SUPT3H: variants seen among roughly 807,000 people sequenced by gnomAD.
The protein encoded by SUPT3H is SPT3 homolog, SAGA and STAGA complex component, also known as transcription initiation protein SPT3 homolog.
Under a neutral mutation model 44.3 loss-of-function variants are expected in SUPT3H, and 44 were observed. The ratio of observed to expected loss-of-function variants is 0.99; its 90% CI spans 0.78 to 1.28. SUPT3H has a LOEUF of 1.28. SUPT3H is among the 50% of genes most tolerant of loss of function. The pLI is 0.00. For synonymous variants in SUPT3H, 124 were observed against 125.6 expected (o/e 0.99, Z 0.09); for missense variants, 380 against 387.1 (o/e 0.98, Z 0.15).
chr6:44,814,087 G>A (rs1205159709), intron 11 of SUPT3H, among the ~76,000 whole-genome samples: 1 of 152,096 alleles, frequency 6.6e-6, no homozygotes, highest in Non-Finnish European at 1.5e-5. Context: ...AGCATCCAGA[G>A]AAAAGCAGGC....
rs78997474 is a variant in SUPT3H, at chr6:45,194,627, C to T, written c.102-88621G>A. On this transcript the variant is annotated intron_variant, in intron 2 of 10. Coordinates refer to ENST00000371459, the MANE Select transcript of SUPT3H (RefSeq NM_003599.4). ...AAAACATTTTAGTGAAATACACACA[C>T]ATATGTATACAATCAAAAGAAGTTC... Among the ~76,000 whole-genome samples the T allele has an allele frequency of 2.8e-3, 430 of 152,146 alleles. 7 individuals carry two copies. Among genetic ancestry groups the T allele is most frequent in the Non-Finnish European group, 4.1e-4 (28 of 67,974 alleles).
At chr6:45,146,220 T>C (rs991172793) in intron 2 of SUPT3H, among the ~76,000 whole-genome samples, 1 of 152,172 alleles carries the variant, frequency 6.6e-6, no homozygotes, top group Non-Finnish European at 1.5e-5. Flanking sequence ...TGCACACGCA[T>C]GTTTATAGCA....
rs535266936 is a variant in SUPT3H at position 45,045,221 on chromosome 6, C to T, written c.187-24589G>A. On this transcript the variant is annotated intron_variant, in intron 3 of 10. Coordinates refer to ENST00000371459, the MANE Select transcript of SUPT3H (RefSeq NM_003599.4). ...CCAGCTGGAAGACCACCCAGAGAATCCTAGAAGACCATCAGTGGTCTATGG... is the reference window on the plus strand; with the variant it reads ...CCAGCTGGAAGACCACCCAGAGAATTCTAGAAGACCATCAGTGGTCTATGG... Among the ~76,000 whole-genome samples, 3 of 152,258 alleles carry T rather than the reference C, an allele frequency of 2.0e-5. No homozygotes were observed. The South Asian group carries it at 6.2e-4, about 32-fold the overall frequency.
intron 2 of SUPT3H, among the ~76,000 whole-genome samples, chr6:45,327,859 T>C (rs1786632040): frequency 6.6e-6 from 1 of 151,840 alleles, no homozygotes; most frequent in South Asian, 2.1e-4. Context: ...TCCAAAGATG[T>C]GAATTATTGT....
chr6:44,859,403 C>G (rs1451000929), intron 10 of SUPT3H, among the ~76,000 whole-genome samples: 1 of 152,142 alleles, frequency 6.6e-6, no homozygotes, highest in Non-Finnish European at 1.5e-5. Context: ...ATGGAAAGCT[C>G]CAATATTTAG....
intron 3 of SUPT3H, among the ~76,000 whole-genome samples, chr6:45,063,321 C>G (rs886428989): frequency 6.6e-6 from 1 of 150,578 alleles, no homozygotes; most frequent in Admixed American, 6.6e-5. Context: ...ACATCACCAT[C>G]ATCAAAGACC....
intron 2 of SUPT3H, chr6:45,321,653 C>T: frequency 1.6e-6 from 1 of 608,862 alleles, no homozygotes; most frequent in South Asian, 2.1e-5. Context: ...AGCAACCAAT[C>T]AAGTTTCACA....
At chr6:44,934,704 G>A (rs954823601) in intron 9 of SUPT3H, among the ~76,000 whole-genome samples, 6 of 152,352 alleles carry the variant, frequency 3.9e-5, no homozygotes, top group African/African-American at 1.2e-4. Context: ...TGGGTGAACA[G>A]ATGACTGCCT....
chr6:45,155,606 T>C (rs995088471), intron 2 of SUPT3H, among the ~76,000 whole-genome samples: 1 of 152,136 alleles, frequency 6.6e-6, no homozygotes, highest in African/African-American at 2.4e-5. Context: ...ATTCCTCCCA[T>C]AGTTAGCTTG....
intron 3 of SUPT3H, among the ~76,000 whole-genome samples, chr6:45,100,689 A>G (rs1181159812): frequency 6.6e-6 from 1 of 152,114 alleles, no homozygotes; most frequent in African/African-American, 2.4e-5. Context: ...ATTATCAAAA[A>G]CAAGGTTATA....
chr6:44,979,721 C>T (rs143276916), intron 6 of SUPT3H, among the ~76,000 whole-genome samples: 31 of 152,084 alleles, frequency 2.0e-4, no homozygotes, highest in African/African-American at 6.5e-4. Flanking sequence ...AAAAAAAGTT[C>T]GTTTTACATC....
Position 45,211,294 on chromosome 6 carries a change from T to C in SUPT3H, c.102-105288A>G, listed in dbSNP as rs550826567. On this transcript the variant is annotated intron_variant, in intron 2 of 10. Transcript: ENST00000371459. ...TCTCTGTAAGGTGAAGTTGTAACAG[T>C]AAGGCTCCTACTCTCTCCCCTGCCC... is the stretch of plus-strand genomic sequence containing the variant. 5.3e-5 allele frequency among the ~76,000 whole-genome samples: 8 copies of C among 152,234 alleles called. No homozygotes were observed. In the South Asian group the frequency reaches 1.7e-3, roughly 32 times the overall value.
intron 2 of SUPT3H, among the ~76,000 whole-genome samples, chr6:45,283,430 G>T (rs1272425894): frequency 6.6e-6 from 1 of 152,076 alleles, no homozygotes. Flanking sequence ...GGCAGGGGTT[G>T]CAATCCTAGT....
At chr6:45,225,113 TA>T (rs1766714402) in intron 2 of SUPT3H, among the ~76,000 whole-genome samples, 3 of 151,784 alleles carry the variant, frequency 2.0e-5, no homozygotes, top group Non-Finnish European at 4.4e-5. Context: ...ATCTCATCTC[TA>T]TTAAAAATAC....
chr6:45,123,878 T>C (rs1226195924), intron 2 of SUPT3H, among the ~76,000 whole-genome samples: 2 of 152,208 alleles, frequency 1.3e-5, no homozygotes, highest in African/African-American at 4.8e-5. Flanking sequence ...TCTCACATAA[T>C]TTCATCTCAT....
At chr6:45,232,615 G>C (rs1394133369) in intron 2 of SUPT3H, among the ~76,000 whole-genome samples, 1 of 152,158 alleles carries the variant, frequency 6.6e-6, no homozygotes, top group Non-Finnish European at 1.5e-5. Context: ...TGGATAACCT[G>C]TGTGATGTGG....
chr6:45,341,920 G>C (rs564752369), intron 2 of SUPT3H, among the ~76,000 whole-genome samples: 108 of 152,200 alleles, frequency 7.1e-4, no homozygotes, highest in African/African-American at 2.6e-3. Context: ...AAGGTTCTGT[G>C]TACAGCCAGA....
At chr6:45,058,560 C>A (rs145941679) in intron 3 of SUPT3H, among the ~76,000 whole-genome samples, 4 of 151,968 alleles carry the variant, frequency 2.6e-5, no homozygotes, top group African/African-American at 7.2e-5. Flanking sequence ...TACACCCTGG[C>A]GAGGCCCTTA....
intron 2 of SUPT3H, among the ~76,000 whole-genome samples, chr6:45,160,968 C>T (rs1016569750): frequency 5.9e-5 from 9 of 151,976 alleles, no homozygotes; most frequent in Admixed American, 2.6e-4. Flanking sequence ...GTCATGGGGG[C>T]GGATCCCTCA....
Sources: gnomAD v4.1 joint callset for allele counts (sites outside exome capture counted in the v4.1 genomes callset) on GRCh38, gnomAD v4.1.1 for gene constraint, MANE v1.5 for transcripts, NCBI Gene and HGNC (gene_info 2026-07-23, HGNC 2026-07-21) for gene names.